Variants in TPTE2 observed in about 807,000 individuals in gnomAD.
TPTE2 encodes the protein transmembrane phosphoinositide 3-phosphatase and tensin homolog 2.
TPTE2 carries 53 observed loss-of-function variants against 78.6 expected under a neutral mutation model. The observed-to-expected ratio is 0.67, with a 90% CI of 0.54 to 0.85. The LOEUF is 0.85. Ranked by LOEUF, TPTE2 falls within the 40% of genes least tolerant of loss-of-function variation. The pLI is 0.00. For missense variants in TPTE2, 461 were observed against 623.0 expected (o/e 0.74, Z 2.77); for synonymous variants, 175 against 206.2 (o/e 0.85, Z 1.30).
intron 6 of TPTE2, among the ~76,000 whole-genome samples, chr13:19,472,045 T>A (rs1879651334): frequency 6.6e-6 from 1 of 152,364 alleles, no homozygotes; most frequent in African/African-American, 2.4e-5. Flanking sequence ...CCAGATATAT[T>A]GTAGCTCCAT....
chr13:19,427,144 C>CA (rs1876184196), intron 17 of TPTE2, among the ~76,000 whole-genome samples: 1 of 120,720 alleles, frequency 8.3e-6, no homozygotes, highest in South Asian at 2.8e-4. Flanking sequence ...AGTACAGTGG[C>CA]ATGATCTCGG....
At chr13:19,495,688 C>A (rs1328179261) in intron 1 of TPTE2, among the ~76,000 whole-genome samples, 1 of 152,134 alleles carries the variant, frequency 6.6e-6, no homozygotes, top group Non-Finnish European at 1.5e-5. Context: ...AACTGTATTC[C>A]TTGATATCGC....
intron 13 of TPTE2, among the ~76,000 whole-genome samples, chr13:19,440,164 G>A (rs1472512389): frequency 6.6e-6 from 1 of 152,086 alleles, no homozygotes; most frequent in Non-Finnish European, 1.5e-5. Context: ...ACTGTCCAAG[G>A]TCACTGTCAA....
intron 13 of TPTE2, among the ~76,000 whole-genome samples, chr13:19,441,621 G>A (rs912373031): frequency 2.0e-5 from 3 of 152,060 alleles, no homozygotes; most frequent in Non-Finnish European, 2.9e-5. Flanking sequence ...CTGCACCTGT[G>A]ACTTTAAAAA....
chr13:19,455,530 C>T (rs1878488583), intron 10 of TPTE2, among the ~76,000 whole-genome samples: 1 of 151,912 alleles, frequency 6.6e-6, no homozygotes, highest in Admixed American at 6.6e-5. Flanking sequence ...CATATTCATC[C>T]AGATGGAGGA....
At chr13:19,547,720 C>CATACATATATATAT in the TPTE2 span, among the ~76,000 whole-genome samples, 1,854 of 118,816 alleles carry the variant, frequency 0.016, 73 homozygotes, top group African/African-American at 0.045. Context: ...AATAAATATA[C>CATACATATATATAT]ATATATATAT....
At chr13:19,499,303 T>G (rs1339612243) in intron 1 of TPTE2, among the ~76,000 whole-genome samples, 6 of 152,016 alleles carry the variant, frequency 3.9e-5, no homozygotes, top group Non-Finnish European at 5.9e-5. Flanking sequence ...GCAGACCTAA[T>G]AGACATCTAC....
intron 6 of TPTE2, among the ~76,000 whole-genome samples, chr13:19,473,363 C>T (rs1453800890): frequency 6.6e-6 from 1 of 152,172 alleles, no homozygotes; most frequent in African/African-American, 2.4e-5. Context: ...AGATCAAAAA[C>T]TTTAAAAGTC....
chr13:19,475,986 C>A (rs1593381897), intron 4 of TPTE2, among the ~76,000 whole-genome samples: 1 of 152,168 alleles, frequency 6.6e-6, no homozygotes, highest in East Asian at 1.9e-4. Context: ...CCAGCCTGGG[C>A]AAATCATCAA....
At chr13:19,488,162 C>T (rs9508179) in intron 3 of TPTE2, among the ~76,000 whole-genome samples, 113,450 of 152,152 alleles carry the variant, frequency 0.75, 44,633 homozygotes, top group East Asian at 0.96. Context: ...AAATCTTAGA[C>T]GTGTATTTGT....
At chr13:19,434,562 A>C (rs961498310) in intron 15 of TPTE2, among the ~76,000 whole-genome samples, 1 of 152,036 alleles carries the variant, frequency 6.6e-6, no homozygotes, top group Non-Finnish European at 1.5e-5. Context: ...TATCACTTTT[A>C]GCTTAGGGTC....
intron 1 of TPTE2, among the ~76,000 whole-genome samples, chr13:19,509,928 A>G (rs1268277428): frequency 6.6e-6 from 1 of 152,224 alleles, no homozygotes; most frequent in East Asian, 1.9e-4. Flanking sequence ...CCAAATCCCT[A>G]CCTAACACCA....
At chr13:19,476,101 A>G (rs1879920557) in intron 4 of TPTE2, among the ~76,000 whole-genome samples, 1 of 152,182 alleles carries the variant, frequency 6.6e-6, no homozygotes. Context: ...CTAGACACCT[A>G]GTGAACAGAT....
At position 19,430,435 on chromosome 13, in the gene TPTE2, T is replaced by C. The variant is rs1358606627; in HGVS notation, c.1302+33A>G. The C allele has an allele frequency of 3.3e-6, 5 of 1,517,428 alleles. No homozygotes were observed. In the African/African-American group the frequency reaches 5.5e-5, roughly 17 times the overall value. The allele number at this position is 1,517,428 out of a possible 1,614,324, so 94.0% of individuals were successfully genotyped here. Reference sequence around the variant, plus strand: ...TTGACATTCAGCCTTAAAACAAACATCAGATTTTTTCAATTCACATGTTTT... The same window carrying C: ...TTGACATTCAGCCTTAAAACAAACACCAGATTTTTTCAATTCACATGTTTT... On this transcript the variant is annotated intron_variant, in intron 17 of 19. Coordinates refer to ENST00000400230, the Ensembl canonical transcript of TPTE2.
chr13:19,439,775 G>T (rs904310483), intron 13 of TPTE2, among the ~76,000 whole-genome samples: 3 of 152,236 alleles, frequency 2.0e-5, no homozygotes, highest in African/African-American at 7.2e-5. Flanking sequence ...AGAACTTCTG[G>T]AACTAAAAAA....
At chr13:19,445,360 C>T (rs1295257865) in intron 13 of TPTE2, among the ~76,000 whole-genome samples, 1 of 152,080 alleles carries the variant, frequency 6.6e-6, no homozygotes, top group Non-Finnish European at 1.5e-5. Context: ...CTTCCTCAAA[C>T]TTATTAGTAA....
intron 9 of TPTE2, 53 bp downstream of exon 12, chr13:19,465,202 T>A: frequency 6.2e-7 from 1 of 1,609,216 alleles, no homozygotes; most frequent in Non-Finnish European, 8.5e-7. Flanking sequence ...AAAAATACAA[T>A]TACAAGAAAA....
At chr13:19,482,671 A>G (rs1431858663) in intron 3 of TPTE2, 124 bp from the exon 7 acceptor site, 1 of 1,214,604 alleles carries the variant, frequency 8.2e-7, no homozygotes, top group Non-Finnish European at 1.1e-6. Context: ...AACATGACTT[A>G]GCTCACTGGA....
chr13:19,506,158 A>ATTTTTTTTTT, upstream of TPTE2, among the ~76,000 whole-genome samples: 13 of 23,586 alleles, frequency 5.5e-4, no homozygotes, highest in Admixed American at 2.1e-3. Flanking sequence ...GTGTATATAA[A>ATTTTTTTTTT]TCTTTTTTTT....
Sources: gnomAD v4.1 joint callset for allele counts (sites outside exome capture counted in the v4.1 genomes callset) on GRCh38, gnomAD v4.1.1 for gene constraint, MANE v1.5 for transcripts, NCBI Gene and HGNC (gene_info 2026-07-23, HGNC 2026-07-21) for gene names.